Variants in NTM observed in about 807,000 individuals in gnomAD.
NTM encodes IgLON family member 2.
NTM carries 13 observed loss-of-function variants against 42.1 expected under a neutral mutation model. The observed-to-expected ratio is 0.31, with a 90% CI of 0.20 to 0.49. The LOEUF (loss-of-function observed/expected upper bound fraction) is 0.49. NTM is among the 20% of genes least tolerant of loss of function. The pLI, the probability that NTM is intolerant of heterozygous loss-of-function variation, is 0.99. For missense variants in NTM, 373 were observed against 452.8 expected (o/e 0.82, Z 1.60); for synonymous variants, 187 against 179.2 (o/e 1.04, Z -0.35).
At chr11:132,245,163 G>A (rs931863363) in intron 4 of NTM, among the ~76,000 whole-genome samples, 12 of 152,182 alleles carry the variant, frequency 7.9e-5, no homozygotes, top group Non-Finnish European at 1.6e-4. Flanking sequence ...GAGGTTTGCC[G>A]GGGCATGGGT....
intron 4 of NTM, among the ~76,000 whole-genome samples, chr11:132,286,266 G>T: frequency 6.6e-6 from 1 of 152,120 alleles, no homozygotes; most frequent in East Asian, 1.9e-4. Context: ...AAACATAAAC[G>T]AGTCTGGCCT....
intron 1 of NTM, among the ~76,000 whole-genome samples, chr11:131,738,157 C>G (rs567882685): frequency 6.6e-6 from 1 of 152,146 alleles, no homozygotes; most frequent in Non-Finnish European, 1.5e-5. Flanking sequence ...GCCCTCACTC[C>G]TGGGTTTCTC....
chr11:131,607,453 A>G (rs1338851922), intron 1 of NTM, among the ~76,000 whole-genome samples: 1 of 152,192 alleles, frequency 6.6e-6, no homozygotes, highest in Non-Finnish European at 1.5e-5. Context: ...TTGCATGAAC[A>G]AGTAATAACT....
At chr11:132,317,327 A>G (rs538598182) in intron 7 of NTM, among the ~76,000 whole-genome samples, 2 of 152,280 alleles carry the variant, frequency 1.3e-5, no homozygotes, top group East Asian at 1.9e-4. Context: ...CTCATCTGGA[A>G]GGAAACTTTA....
intron 1 of NTM, among the ~76,000 whole-genome samples, chr11:131,872,761 A>C (rs1019165064): frequency 6.6e-6 from 1 of 152,214 alleles, no homozygotes; most frequent in African/African-American, 2.4e-5. Context: ...AAAGAATTAT[A>C]GTATCATACT....
chr11:132,043,341 C>T (rs2135806862), intron 2 of NTM, among the ~76,000 whole-genome samples: 1 of 152,332 alleles, frequency 6.6e-6, no homozygotes. Flanking sequence ...ATGAACAATT[C>T]TAACCACCTG....
chr11:132,336,756 T>C lies in NTM; in HGVS notation c.*1610T>C, dbSNP rs1395199527. 2.0e-5 allele frequency: 3 copies of C among 151,734 alleles called. No homozygotes were observed. Among genetic ancestry groups the C allele is most frequent in the South Asian group, 4.2e-4 (2 of 4,796 alleles). The allele number at this position is 151,734 out of a possible 1,614,324, so 9.4% of individuals were successfully genotyped here. A position where few individuals can be genotyped will look rare whatever the true frequency, so the allele number is the denominator to read the frequency against. On this transcript the variant is annotated 3_prime_UTR_variant, in exon 9 of 9. Transcript: ENST00000683400. ...CTGGATGTGATGAGGGAAAGGGGGATTGGGGGATCCGGGAGGGTGGGGTTG... is the reference window on the plus strand; with the variant it reads ...CTGGATGTGATGAGGGAAAGGGGGACTGGGGGATCCGGGAGGGTGGGGTTG...
At chr11:132,113,957 C>T (rs943766795) in intron 2 of NTM, among the ~76,000 whole-genome samples, 1 of 152,162 alleles carries the variant, frequency 6.6e-6, no homozygotes, top group African/African-American at 2.4e-5. Context: ...GCTCTTTCCA[C>T]CTGACTCCAG....
chr11:131,691,295 C>T (rs895644926), intron 1 of NTM, among the ~76,000 whole-genome samples: 7 of 152,342 alleles, frequency 4.6e-5, no homozygotes, highest in Non-Finnish European at 1.0e-4. Context: ...CCTCTGTTGG[C>T]GGCCGGGGGC....
chr11:131,911,637 C>T lies in NTM; in HGVS notation c.156C>T (p.Ser52=), dbSNP rs141080346. The T allele has an allele frequency of 3.1e-5, 50 of 1,613,954 alleles. No homozygotes were observed. The highest frequency in any genetic ancestry group is 4.1e-5 in the Non-Finnish European group (48 of 1,179,966). ...ACGTGACGGTCCGGCAGGGGGAGAGCGCCACCCTCAGGTAGGGAGCTGACA... is the reference window on the plus strand; with the variant it reads ...ACGTGACGGTCCGGCAGGGGGAGAGTGCCACCCTCAGGTAGGGAGCTGACA... ...MDNVTVRQGE[S]ATLRCTIDNR... is the part of the protein sequence containing the mutation. The change falls in exon 2 of 9, where the codon AGC becomes AGT. Residue 52 remains serine (S), a synonymous_variant. Coordinates refer to ENST00000683400, the MANE Select transcript of NTM (RefSeq NM_001352005.2).
chr11:131,461,932 A>T (rs1951421441), intron 1 of NTM, among the ~76,000 whole-genome samples: 2 of 152,238 alleles, frequency 1.3e-5, no homozygotes, highest in Admixed American at 1.3e-4. Context: ...AGACCAAGAG[A>T]AACAAAAACA....
chr11:132,148,879 G>T (rs747466970), intron 3 of NTM, among the ~76,000 whole-genome samples: 7 of 152,110 alleles, frequency 4.6e-5, no homozygotes, highest in Non-Finnish European at 8.8e-5. Flanking sequence ...AATGGAAAAT[G>T]TCTAATCCCT....
intron 1 of NTM, among the ~76,000 whole-genome samples, chr11:131,666,572 C>A (rs1016041087): frequency 2.6e-5 from 4 of 152,118 alleles, no homozygotes; most frequent in African/African-American, 9.7e-5. Context: ...GAGACATACT[C>A]GACAAACACA....
In NTM at chr11:132,082,763, A is replaced by G. The variant is rs2059246486; in HGVS notation, c.168-63519A>G. On this transcript the variant is annotated intron_variant, in intron 2 of 8. Coordinates refer to ENST00000683400, the MANE Select transcript of NTM (RefSeq NM_001352005.2). ...GGGGAAAATGGCAGTCAGAGGCCTAAGGGTCCCTGGTAAAATGGGGCCATT... is the reference window on the plus strand; with the variant it reads ...GGGGAAAATGGCAGTCAGAGGCCTAGGGGTCCCTGGTAAAATGGGGCCATT... Among the ~76,000 whole-genome samples, 4 of 152,334 alleles carry G rather than the reference A, an allele frequency of 2.6e-5. No individual in the cohort carries two copies. In the South Asian group the frequency reaches 8.3e-4, roughly 32 times the overall value.
In NTM at chr11:132,335,299, AAAG is replaced by A; in HGVS notation, c.*156_*158del. On this transcript the variant is annotated 3_prime_UTR_variant, in exon 9 of 9. Transcript: ENST00000683400. ...GGACAGAAATTTGAGGGAGGGGAACAAAGAATACTTTGGGGGGAAAAAAGTTTT... is the reference window on the plus strand; with the variant it reads ...GGACAGAAATTTGAGGGAGGGGAACAAATACTTTGGGGGGAAAAAAGTTTT... The A allele has an allele frequency of 1.2e-6, 1 of 801,226 alleles. No homozygotes were observed. 49.6% of individuals were successfully genotyped at this position (801,226 alleles called of 1,614,324 possible). A position where few individuals can be genotyped will look rare whatever the true frequency, so the allele number is the denominator to read the frequency against.
In NTM at chr11:132,146,414, C is replaced by T. The variant is rs935637988; in HGVS notation, c.300C>T (p.Ile100=). 4.3e-6 allele frequency: 7 copies of T among 1,614,074 alleles called. No homozygotes were observed. The highest frequency in any genetic ancestry group is 3.3e-5 in the Admixed American group (2 of 60,008). Residue 100 remains isoleucine, a synonymous_variant, in exon 3 of 9, where the codon ATC becomes ATT. Transcript: ENST00000683400. The surrounding 1 kb of genome is among the most constrained non-coding windows in gnomAD (Gnocchi z 4.5). The part of the protein sequence containing the change: ...LLSNTQTQYS[I]EIQNVDVYDE... ...GCAACACCCAAACGCAGTACAGCAT[C>T]GAGATCCAGAACGTGGATGTGTATG... is the stretch of plus-strand genomic sequence containing the variant.
chr11:131,853,727 G>C (rs2045821906), intron 1 of NTM, among the ~76,000 whole-genome samples: 1 of 152,124 alleles, frequency 6.6e-6, no homozygotes, highest in Admixed American at 6.6e-5. Flanking sequence ...CTTTATAAGA[G>C]AATGATTTAT....
intron 1 of NTM, among the ~76,000 whole-genome samples, chr11:131,726,314 T>TA (rs1348548151): frequency 2.6e-5 from 4 of 152,200 alleles, no homozygotes; most frequent in Admixed American, 6.5e-5. Context: ...CTATTAAGCT[T>TA]AAAAAAATGG....
At chr11:131,685,924 C>T (rs909261742) in intron 1 of NTM, among the ~76,000 whole-genome samples, 7 of 152,234 alleles carry the variant, frequency 4.6e-5, no homozygotes, top group Non-Finnish European at 8.8e-5. Flanking sequence ...ATCCCACAGC[C>T]TTGTCCTACA....
Sources: allele counts gnomAD v4.1 joint callset (sites outside exome capture counted in the v4.1 genomes callset), GRCh38; gene constraint gnomAD v4.1.1; non-coding constraint Gnocchi (gnomAD v3.1); transcripts MANE v1.5; gene names NCBI Gene and HGNC (gene_info 2026-07-23, HGNC 2026-07-21).